Variants in NLGN4X observed in about 807,000 individuals in gnomAD.
The protein encoded by NLGN4X is neuroligin-4, X-linked.
Under a neutral mutation model 40.3 loss-of-function variants are expected in NLGN4X, and 3 were observed. The ratio of observed to expected loss-of-function variants is 0.07; its 90% CI spans 0.03 to 0.19. The LOEUF (loss-of-function observed/expected upper bound fraction) is 0.19, where lower values mean the gene tolerates loss of function less well. Among genes scored for constraint, NLGN4X ranks in the 10% least tolerant of loss-of-function variants. The pLI is 1.00. For synonymous variants in NLGN4X, 270 were observed against 306.8 expected, an observed-to-expected ratio of 0.88 and a Z score of 1.25; for missense variants, 382 against 708.3, an observed-to-expected ratio of 0.54 and a Z score of 5.23.
intron 1 of NLGN4X, among the ~76,000 whole-genome samples, chrX:6,208,520 T>C (rs1479337071): frequency 8.9e-6 from 1 of 112,237 alleles, no homozygotes; most frequent in Non-Finnish European, 1.9e-5. Context: ...CTATCTCTCA[T>C]TGCACTCTTT....
At chrX:6,064,118 C>T (rs1172536024) in intron 2 of NLGN4X, among the ~76,000 whole-genome samples, 2 of 111,798 alleles carry the variant, frequency 1.8e-5, no homozygotes, top group African/African-American at 6.5e-5. Context: ...TAAAGGCTGT[C>T]TCTTAATGTC....
At chrX:5,915,458 G>A (rs1447648096) in intron 3 of NLGN4X, among the ~76,000 whole-genome samples, 1 of 112,198 alleles carries the variant, frequency 8.9e-6, no homozygotes, top group Admixed American at 9.5e-5. Flanking sequence ...ATCAAAATCT[G>A]AAGATAATTG....
intron 1 of NLGN4X, among the ~76,000 whole-genome samples, chrX:6,196,581 A>AAAAAAAAAAAT (rs1923110091): frequency 3.9e-5 from 4 of 102,116 alleles, no homozygotes; most frequent in Non-Finnish European, 7.9e-5. Flanking sequence ...AAAAAAAAAA[A>AAAAAAAAAAAT]GTGTCTCATG....
chrX:5,962,474 C>T (rs764268963), intron 3 of NLGN4X, among the ~76,000 whole-genome samples: 4 of 112,373 alleles, frequency 3.6e-5, no homozygotes, highest in Non-Finnish European at 7.5e-5. Flanking sequence ...TTAACTATCA[C>T]TATGTACGTT....
chrX:5,980,672 T>C (rs1291237947), intron 3 of NLGN4X, among the ~76,000 whole-genome samples: 1 of 110,246 alleles, frequency 9.1e-6, no homozygotes, highest in African/African-American at 3.3e-5. Context: ...CTGCATAGAA[T>C]TACCTTTGAA....
intron 2 of NLGN4X, among the ~76,000 whole-genome samples, chrX:6,045,295 C>G (rs1170087222): frequency 1.8e-5 from 2 of 112,097 alleles, no homozygotes. Context: ...TCTGGGCATT[C>G]ACTCAGGTGT....
chrX:5,933,473 T>G (rs1283711509), intron 3 of NLGN4X, among the ~76,000 whole-genome samples: 1 of 112,028 alleles, frequency 8.9e-6, no homozygotes, highest in African/African-American at 3.2e-5. Flanking sequence ...ATTCTATATA[T>G]TTTTGATTTT....
intron 2 of NLGN4X, among the ~76,000 whole-genome samples, chrX:6,115,246 T>G (rs1413485415): frequency 9.0e-6 from 1 of 111,360 alleles, no homozygotes; most frequent in African/African-American, 3.3e-5. Context: ...TAAGAGACAT[T>G]TATTCTTAGG....
At chrX:5,982,208 A>T (rs1168405982) in intron 3 of NLGN4X, among the ~76,000 whole-genome samples, 1 of 112,121 alleles carries the variant, frequency 8.9e-6, no homozygotes, top group Non-Finnish European at 1.9e-5. Context: ...TGCTTCAGAG[A>T]GAAATGTTAA....
At chrX:6,041,391 T>G (rs1038310070) in intron 2 of NLGN4X, among the ~76,000 whole-genome samples, 1 of 112,293 alleles carries the variant, frequency 8.9e-6, no homozygotes, top group Non-Finnish European at 1.9e-5. Flanking sequence ...ACTGATACAC[T>G]ACCAGGAACA....
At chrX:6,071,923 C>T (rs2038073769) in intron 2 of NLGN4X, among the ~76,000 whole-genome samples, 1 of 111,023 alleles carries the variant, frequency 9.0e-6, no homozygotes, top group African/African-American at 3.3e-5. Context: ...AGTGCTACGA[C>T]TACAGGTGTC....
chrX:6,132,826 T>C (rs894810578), intron 2 of NLGN4X, among the ~76,000 whole-genome samples: 2 of 110,826 alleles, frequency 1.8e-5, no homozygotes, highest in African/African-American at 3.3e-5. Context: ...CATTCAGACA[T>C]GTGGATCAGC....
At chrX:6,136,406 G>C (rs924185240) in intron 2 of NLGN4X, among the ~76,000 whole-genome samples, 3 of 112,080 alleles carry the variant, frequency 2.7e-5, no homozygotes, top group Non-Finnish European at 5.6e-5. Flanking sequence ...GAAGGTGTTG[G>C]CCTGAGCTGG....
At chrX:6,199,262 T>A (rs1384658958) in intron 1 of NLGN4X, among the ~76,000 whole-genome samples, 1 of 112,108 alleles carries the variant, frequency 8.9e-6, no homozygotes, top group Admixed American at 9.5e-5. Flanking sequence ...TTTATTTTTT[T>A]AACTTGCAAA....
chrX:5,948,788 G>A (rs1461072720), intron 3 of NLGN4X, among the ~76,000 whole-genome samples: 1 of 111,937 alleles, frequency 8.9e-6, no homozygotes, highest in Non-Finnish European at 1.9e-5. Flanking sequence ...AACCTTTTAT[G>A]AGGATCTCCC....
intron 5 of NLGN4X, among the ~76,000 whole-genome samples, chrX:5,894,707 A>G (rs2031393047): frequency 8.9e-6 from 1 of 112,402 alleles, no homozygotes; most frequent in South Asian, 3.7e-4. Context: ...CTCTTTTAGG[A>G]TAACACTTCC....
At chrX:5,979,381 C>T (rs6654807) in intron 3 of NLGN4X, among the ~76,000 whole-genome samples, 7,402 of 110,238 alleles carry the variant, frequency 0.067, 632 homozygotes, top group African/African-American at 0.23. Flanking sequence ...AATGGCTGAA[C>T]CACATGGTAC....
At chrX:6,201,620 C>A (rs921954146) in intron 1 of NLGN4X, among the ~76,000 whole-genome samples, 18 of 111,610 alleles carry the variant, frequency 1.6e-4, no homozygotes, top group Non-Finnish European at 2.8e-4. Flanking sequence ...GAAGAAATGA[C>A]AGGACCTGTT....
intron 1 of NLGN4X, among the ~76,000 whole-genome samples, chrX:6,152,092 A>G (rs1051172892): frequency 1.1e-4 from 12 of 110,891 alleles, no homozygotes; most frequent in Middle Eastern, 4.7e-3. Flanking sequence ...CTGGGACCAC[A>G]AGCATGCACC....
Sources: allele counts gnomAD v4.1 joint callset (sites outside exome capture counted in the v4.1 genomes callset), GRCh38; gene constraint gnomAD v4.1.1; transcripts MANE v1.5; gene names NCBI Gene and HGNC (gene_info 2026-07-23, HGNC 2026-07-21).